Variants in FNDC3B observed in about 807,000 individuals in gnomAD.
FNDC3B encodes fibronectin type III domain containing 3B.
A neutral mutation model predicts 151.5 loss-of-function variants in FNDC3B; 12 were observed. The ratio of observed to expected loss-of-function variants is 0.08; its 90% CI spans 0.05 to 0.13. The LOEUF is 0.13. Ranked by LOEUF, FNDC3B falls within the 10% of genes least tolerant of loss-of-function variation. The pLI is 1.00. For synonymous variants in FNDC3B, 528 were observed against 549.0 expected (o/e 0.96, Z 0.54); for missense variants, 1,214 against 1,505.3 (o/e 0.81, Z 3.20).
intron 3 of FNDC3B, among the ~76,000 whole-genome samples, chr3:172,183,875 C>T (rs1285146525): frequency 2.6e-5 from 4 of 152,096 alleles, no homozygotes; most frequent in African/African-American, 9.7e-5. Context: ...GCTTCTTGTT[C>T]CTCCTATCCT....
chr3:172,252,312 G>A (rs1728123006), intron 6 of FNDC3B, among the ~76,000 whole-genome samples: 1 of 152,030 alleles, frequency 6.6e-6, no homozygotes, highest in African/African-American at 2.4e-5. Flanking sequence ...TTTGGATAAG[G>A]TAGGTGAGTT....
intron 22 of FNDC3B, among the ~76,000 whole-genome samples, chr3:172,360,995 G>A (rs1312366758): frequency 6.6e-6 from 1 of 152,096 alleles, no homozygotes; most frequent in Non-Finnish European, 1.5e-5. Context: ...ACTGTAGGCT[G>A]TACAAAACCT....
chr3:172,342,961 A>C, intron 17 of FNDC3B, 50 bp from the exon 18 acceptor site: 1 of 1,179,050 alleles, frequency 8.5e-7, no homozygotes, highest in Non-Finnish European at 1.3e-6. Context: ...TAGAGGTCTG[A>C]TAAATTCACA....
Position 172,040,377 on chromosome 3 carries a change from A to G in FNDC3B, c.-29+606A>G, listed in dbSNP as rs1576808147. On this transcript the variant is annotated intron_variant, in intron 1 of 25. Coordinates refer to ENST00000415807, the MANE Select transcript of FNDC3B (RefSeq NM_022763.4). This position sits in a 1 kb window ranked among gnomAD's most constrained non-coding sequence, Gnocchi z 6.6. ...GGGGATGCTCGCGGGGAGGGTCCCG[A>G]GCCCGCGCCGGCCTGGCCCCCCCGT... 6.6e-6 allele frequency among the ~76,000 whole-genome samples: 1 copy of G among 151,380 alleles called. No homozygotes were observed. Among genetic ancestry groups the G allele is most frequent in the Admixed American group, 6.6e-5 (1 of 15,232 alleles).
At chr3:172,281,493 G>T (rs4894539) in intron 6 of FNDC3B, among the ~76,000 whole-genome samples, 79,790 of 152,098 alleles carry the variant, frequency 0.52, 24,000 homozygotes, top group African/African-American at 0.84. Flanking sequence ...CCAGCAAGGT[G>T]GAATCAGGTG....
intron 3 of FNDC3B, among the ~76,000 whole-genome samples, chr3:172,168,774 G>A (rs1472910154): frequency 6.8e-6 from 1 of 146,026 alleles, no homozygotes; most frequent in Non-Finnish European, 1.5e-5. Flanking sequence ...GTGCAGTGGC[G>A]CGATCTCGGC....
At chr3:172,192,203 T>G (rs373762780) in intron 3 of FNDC3B, among the ~76,000 whole-genome samples, 1 of 149,302 alleles carries the variant, frequency 6.7e-6, no homozygotes, top group African/African-American at 2.5e-5. Flanking sequence ...GAGGGAGTCT[T>G]GCTCTGTCCC....
intron 3 of FNDC3B, among the ~76,000 whole-genome samples, chr3:172,158,670 T>C (rs938530467): frequency 6.6e-5 from 10 of 152,350 alleles, no homozygotes; most frequent in African/African-American, 2.4e-4. Context: ...TTTGACAATT[T>C]TTCCTCTTAT....
chr3:172,096,645 TTGATTATAATC>T (rs953681978), intron 1 of FNDC3B, among the ~76,000 whole-genome samples: 2 of 125,470 alleles, frequency 1.6e-5, no homozygotes, highest in African/African-American at 6.0e-5. Flanking sequence ...AATAGGCAGA[TTGATTATAATC>T]TGTAGCCCCT....
Position 172,318,747 on chromosome 3 carries a change from A to G in FNDC3B, c.1254+7866A>G, listed in dbSNP as rs917201977. Reference sequence around the variant, plus strand: ...CATTCCCCTGCCCAGGCCCACATGCACTTTGGTCATTCTTGGCAACTGTGG... The same window carrying G: ...CATTCCCCTGCCCAGGCCCACATGCGCTTTGGTCATTCTTGGCAACTGTGG... On this transcript the variant is annotated intron_variant, in intron 11 of 25. Coordinates refer to ENST00000415807, the MANE Select transcript of FNDC3B (RefSeq NM_022763.4). Among the ~76,000 whole-genome samples, 16 of 152,144 alleles carry G rather than the reference A, an allele frequency of 1.1e-4. No individual in the cohort carries two copies. The East Asian group carries it at 2.9e-3, about 27-fold the overall frequency.
At chr3:172,096,575 G>A (rs1719100755) in intron 1 of FNDC3B, among the ~76,000 whole-genome samples, 1 of 152,092 alleles carries the variant, frequency 6.6e-6, no homozygotes, top group Non-Finnish European at 1.5e-5. Flanking sequence ...TGTGATTTAG[G>A]AACCAGCTTG....
intron 3 of FNDC3B, among the ~76,000 whole-genome samples, chr3:172,204,790 A>G (rs1178262150): frequency 5.9e-5 from 9 of 152,220 alleles, no homozygotes; most frequent in Admixed American, 4.6e-4. Context: ...CATGGAAAAG[A>G]TGTGGCATTC....
At chr3:172,117,833 A>G (rs1426889722) in intron 2 of FNDC3B, among the ~76,000 whole-genome samples, 1 of 152,190 alleles carries the variant, frequency 6.6e-6, no homozygotes, top group Non-Finnish European at 1.5e-5. Flanking sequence ...TAATTCTTCT[A>G]TTCTTCTAGA....
At chr3:172,193,815 A>G (rs1308078257) in intron 3 of FNDC3B, among the ~76,000 whole-genome samples, 1 of 152,210 alleles carries the variant, frequency 6.6e-6, no homozygotes, top group African/African-American at 2.4e-5. Context: ...CTTTTCAAAA[A>G]TAACATCATC....
intron 9 of FNDC3B, among the ~76,000 whole-genome samples, chr3:172,300,020 A>T (rs911757069): frequency 6.6e-6 from 1 of 152,260 alleles, no homozygotes; most frequent in African/African-American, 2.4e-5. Flanking sequence ...TAAAGTGCAC[A>T]TCTGCTCAGC....
intron 21 of FNDC3B, among the ~76,000 whole-genome samples, chr3:172,351,526 A>T (rs887268433): frequency 2.0e-5 from 3 of 152,194 alleles, no homozygotes; most frequent in Non-Finnish European, 4.4e-5. Context: ...AAGAACTTCA[A>T]AGTTTTTTCT....
chr3:172,367,509 T>C (rs955635190), intron 23 of FNDC3B, among the ~76,000 whole-genome samples: 2 of 152,234 alleles, frequency 1.3e-5, no homozygotes, highest in African/African-American at 2.4e-5. Context: ...TCCCGTGTTA[T>C]ACAAGAAAAA....
chr3:172,276,171 C>T (rs535897103), intron 6 of FNDC3B, among the ~76,000 whole-genome samples: 1 of 152,236 alleles, frequency 6.6e-6, no homozygotes, highest in South Asian at 2.1e-4. Context: ...ATAATTTCTA[C>T]TTTATGCCAC....
chr3:172,082,674 C>T (rs1718344151), intron 1 of FNDC3B, among the ~76,000 whole-genome samples: 1 of 152,214 alleles, frequency 6.6e-6, no homozygotes, highest in African/African-American at 2.4e-5. Context: ...AGACAAGTCC[C>T]TCTGGTCTGG....
Sources: gnomAD v4.1 joint callset for allele counts (sites outside exome capture counted in the v4.1 genomes callset) on GRCh38, gnomAD v4.1.1 for gene constraint, Gnocchi (gnomAD v3.1) non-coding constraint, MANE v1.5 for transcripts, NCBI Gene and HGNC (gene_info 2026-07-23, HGNC 2026-07-21) for gene names.